Variants in UNC93A observed in about 807,000 individuals in gnomAD.
UNC93A encodes unc-93 homolog A, also known as N-acetylglucosamine transporter UNC93A.
A neutral mutation model predicts 47.5 loss-of-function variants in UNC93A; 43 were observed. The ratio of observed to expected loss-of-function variants is 0.91; its 90% CI spans 0.71 to 1.17. The LOEUF is 1.17. Among genes scored for constraint, UNC93A ranks in the 50% most tolerant of loss-of-function variants. The pLI is 0.00. For missense variants in UNC93A, 605 were observed against 577.6 expected (o/e 1.05, Z -0.49); for synonymous variants, 280 against 258.0 (o/e 1.09, Z -0.82).
At chr6:167,310,112 C>G (rs1778516761) in intron 7 of UNC93A, among the ~76,000 whole-genome samples, 1 of 152,368 alleles carries the variant, frequency 6.6e-6, no homozygotes, top group South Asian at 2.1e-4. Context: ...AAGCATCAAA[C>G]AGTATTTGTT....
chr6:167,282,100 A>C (rs1783643813), intron 1 of UNC93A, among the ~76,000 whole-genome samples: 2 of 152,172 alleles, frequency 1.3e-5, no homozygotes, highest in Non-Finnish European at 2.9e-5. Flanking sequence ...GCTATGCTAG[A>C]ATCAGTCTTT....
At chr6:167,274,516 A>G (rs895077510) in intron 1 of UNC93A, among the ~76,000 whole-genome samples, 1 of 151,928 alleles carries the variant, frequency 6.6e-6, no homozygotes, top group Non-Finnish European at 1.5e-5. Flanking sequence ...CTCACACTGG[A>G]GTCCTTTTGT....
chr6:167,304,560 T>C (rs1374454528), intron 5 of UNC93A, among the ~76,000 whole-genome samples: 1 of 151,700 alleles, frequency 6.6e-6, no homozygotes, highest in Non-Finnish European at 1.5e-5. Flanking sequence ...TCTCTAGTTT[T>C]TTTTTTTCTT....
chr6:167,278,767 T>G (rs1783584426), intron 1 of UNC93A, among the ~76,000 whole-genome samples: 2 of 152,134 alleles, frequency 1.3e-5, no homozygotes, highest in Admixed American at 6.5e-5. Flanking sequence ...TGGGGAGACC[T>G]CGCCTTCTCA....
chr6:167,315,274 T>G lies in UNC93A; in HGVS notation c.1196T>G (p.Phe399Cys), dbSNP rs1236150851. ...GAGGCCCTGGGCTTCGTCATTGCCT[T>G]CGGGTACAGCATGTTTTTGTGCGTG... is the stretch of plus-strand genomic sequence containing the variant. The part of the protein sequence containing the change: ...LWEALGFVIA[F>C]GYSMFLCVHV... The change falls in exon 8 of 8, where the codon TTC becomes TGC. Residue 399 changes from phenylalanine (F) to cysteine (C), a missense_variant. Coordinates refer to ENST00000230256, the MANE Select transcript of UNC93A (RefSeq NM_018974.4). 6.2e-7 allele frequency: 1 copy of G among 1,613,668 alleles called. No individual in the cohort carries two copies. The highest frequency in any genetic ancestry group is 1.1e-5 in the South Asian group (1 of 91,044).
upstream of UNC93A, among the ~76,000 whole-genome samples, chr6:167,286,602 T>C (rs998345602): frequency 2.0e-5 from 3 of 152,172 alleles, no homozygotes; most frequent in Non-Finnish European, 2.9e-5. Context: ...GAAATTATCT[T>C]TGGAGATTTT....
At chr6:167,285,014 C>A (rs1464546187) in intron 1 of UNC93A, among the ~76,000 whole-genome samples, 2 of 151,588 alleles carry the variant, frequency 1.3e-5, no homozygotes, top group Non-Finnish European at 2.9e-5. Flanking sequence ...AACACATCAT[C>A]AGCTTGATTT....
chr6:167,283,672 A>T (rs973488460), intron 1 of UNC93A, among the ~76,000 whole-genome samples: 4 of 152,172 alleles, frequency 2.6e-5, no homozygotes, highest in African/African-American at 9.7e-5. Context: ...GTTGCGGAAC[A>T]TGCCAAGTTT....
rs201338150 is a variant in UNC93A at position 167,294,689 on chromosome 6, T to C, written c.260T>C (p.Phe87Ser). 6 of 1,594,480 alleles carry C rather than the reference T, an allele frequency of 3.8e-6. No individual in the cohort carries two copies. The South Asian group carries it at 6.8e-5, about 18-fold the overall frequency. ...GTGGCCTTCTCCGTGGGCAACTTCT[T>C]CGCCAGCTGGTACGCAGCCACCACC... ...GYVAFSVGNFFASWYTLIPTS... is the reference protein window; with the variant it reads ...GYVAFSVGNFSASWYTLIPTS... The change falls in exon 2 of 8, where the codon TTC (phenylalanine) becomes TCC (serine). Residue 87 changes from phenylalanine to serine, a missense_variant. By Grantham distance (155) the Phe-to-Ser change is radical. Coordinates refer to ENST00000230256, the MANE Select transcript of UNC93A (RefSeq NM_018974.4).
chr6:167,302,126 A>G (rs1778257185), intron 4 of UNC93A, among the ~76,000 whole-genome samples: 1 of 152,228 alleles, frequency 6.6e-6, no homozygotes, highest in Admixed American at 6.5e-5. Flanking sequence ...AGGTGGAACC[A>G]CATTACCAAT....
chr6:167,270,713 C>G (rs1244900018), upstream of UNC93A, among the ~76,000 whole-genome samples: 1 of 152,030 alleles, frequency 6.6e-6, no homozygotes, highest in African/African-American at 2.4e-5. Flanking sequence ...GAGGGGAGCA[C>G]GGGGAGAAGG....
chr6:167,315,140 A>C, intron 7 of UNC93A, 47 bp from the exon 8 acceptor site: 1 of 1,598,294 alleles, frequency 6.3e-7, no homozygotes, highest in Non-Finnish European at 8.5e-7. Flanking sequence ...AAACAGGGTC[A>C]CTGTGGGGCC....
intron 1 of UNC93A, among the ~76,000 whole-genome samples, chr6:167,283,941 A>G (rs1783677334): frequency 6.6e-6 from 1 of 152,254 alleles, no homozygotes; most frequent in Non-Finnish European, 1.5e-5. Context: ...TCATAGCATC[A>G]GGATCTCACA....
chr6:167,294,732 C>A, intron 2 of UNC93A, 34 bp downstream of exon 2: 1 of 1,557,922 alleles, frequency 6.4e-7, no homozygotes, highest in Non-Finnish European at 8.7e-7. Flanking sequence ...CACCCCACCC[C>A]GGCCGTTCCC....
At chr6:167,289,076 G>C (rs536512110), upstream of UNC93A, among the ~76,000 whole-genome samples, 15 of 152,402 alleles carry the variant, frequency 9.8e-5, no homozygotes, top group East Asian at 2.7e-3. Context: ...GTCAGCCCTG[G>C]GCCAGGCCAT....
chr6:167,305,420 G>A lies in UNC93A; in HGVS notation c.841-495G>A, dbSNP rs115043731. Among the ~76,000 whole-genome samples the A allele has an allele frequency of 3.2e-3, 489 of 152,288 alleles. 4 individuals are homozygous for A. Among genetic ancestry groups the A allele is most frequent in the African/African-American group, 0.011 (451 of 41,556 alleles). On this transcript the variant is annotated intron_variant, in intron 5 of 7. Coordinates refer to ENST00000230256, the MANE Select transcript of UNC93A (RefSeq NM_018974.4). ...GTCTTCTCGTCTCAGTCCCTGTTCT[G>A]CGTGCCCGCCCTTGAGGTCGCCCGT... is the stretch of plus-strand genomic sequence containing the variant.
intron 4 of UNC93A, among the ~76,000 whole-genome samples, chr6:167,299,651 A>C (rs77413908): frequency 0.03 from 4,632 of 152,292 alleles, 112 homozygotes; most frequent in Middle Eastern, 0.041. Flanking sequence ...GCTGACTTGC[A>C]GCTGCATCTC....
chr6:167,273,672 G>T (rs13195181), intron 1 of UNC93A, among the ~76,000 whole-genome samples: 107,155 of 150,496 alleles, frequency 0.71, 38,612 homozygotes, highest in African/African-American at 0.84. Flanking sequence ...TTTTATACAT[G>T]CTATAGGGCA....
At chr6:167,270,189 G>A (rs1783428928), upstream of UNC93A, among the ~76,000 whole-genome samples, 1 of 152,076 alleles carries the variant, frequency 6.6e-6, no homozygotes, top group African/African-American at 2.4e-5. Flanking sequence ...GGCTCTCAAA[G>A]TCACCTAATC....
Sources: gnomAD v4.1 joint callset for allele counts (sites outside exome capture counted in the v4.1 genomes callset) on GRCh38, gnomAD v4.1.1 for gene constraint, MANE v1.5 for transcripts, NCBI Gene and HGNC (gene_info 2026-07-23, HGNC 2026-07-21) for gene names.